FURIN: variants seen among roughly 807,000 people sequenced by gnomAD.
The protein encoded by FURIN is FES upstream region.
FURIN carries 18 observed loss-of-function variants against 89.2 expected under a neutral mutation model. The ratio of observed to expected loss-of-function variants is 0.20; its 90% CI spans 0.14 to 0.30. The LOEUF (loss-of-function observed/expected upper bound fraction) is 0.30. Ranked by LOEUF, FURIN falls within the 10% of genes least tolerant of loss-of-function variation. The pLI is 1.00. For missense variants in FURIN, 879 were observed against 1,100.5 expected (o/e 0.80, Z 2.85); for synonymous variants, 508 against 466.4 (o/e 1.09, Z -1.15).
rs138939644 is a variant in FURIN at position 90,876,939 on chromosome 15, C to T, written c.416C>T (p.Ala139Val). The T allele has an allele frequency of 3.1e-4, 493 of 1,613,812 alleles. No homozygotes were observed. Among genetic ancestry groups the T allele is most frequent in the Admixed American group, 7.8e-4 (47 of 60,002 alleles). Residue 139 changes from alanine to valine, a missense_variant, in exon 5 of 16, where the codon GCG (alanine) becomes GTG (valine). Around this residue, in one of 5 missense-constraint regions of FURIN, gnomAD observed 139 missense variants for 215.0 expected, o/e 0.65. Transcript: ENST00000268171. This position sits in a 1 kb window ranked among gnomAD's most constrained non-coding sequence, Gnocchi z 5.0. ...GACCTGAATGTGAAGGCGGCCTGGG[C>T]GCAGGGCTACACAGGGCACGGCATT... ...QRDLNVKAAW[A>V]QGYTGHGIVV...
chr15:90,881,992 G>A lies in FURIN; in HGVS notation c.*114G>A, dbSNP rs2032009043. ...GGACCCCAGCTGGGAGGCAAGAGGG[G>A]TGGAGACTGCTTCCCATCCTACCCT... On this transcript the variant is annotated 3_prime_UTR_variant, in exon 16 of 16. Coordinates refer to ENST00000268171, the MANE Select transcript of FURIN (RefSeq NM_002569.4). This position sits in a 1 kb window ranked among gnomAD's most constrained non-coding sequence, Gnocchi z 4.3. The A allele has an allele frequency of 2.6e-6, 2 of 771,328 alleles. No individual in the cohort carries two copies. Among genetic ancestry groups the A allele is most frequent in the Non-Finnish European group, 4.2e-6 (2 of 473,866 alleles). 47.8% of individuals were successfully genotyped at this position (771,328 alleles called of 1,614,324 possible). A position where few individuals can be genotyped will look rare whatever the true frequency, so the allele number is the denominator to read the frequency against.
intron 1 of FURIN, among the ~76,000 whole-genome samples, chr15:90,873,636 G>A (rs1250193342): frequency 7.3e-6 from 1 of 137,418 alleles, no homozygotes; most frequent in African/African-American, 3.0e-5. Flanking sequence ...GACTTGGGGT[G>A]GGGGGGGCGG....
rs1472308081 is a variant in FURIN at position 90,876,301 on chromosome 15, G to A, written c.224G>A (p.Arg75Gln). The change falls in exon 3 of 16, where the codon CGG (arginine) becomes CAG (glutamine). Residue 75 changes from arginine (R) to glutamine (Q), a missense_variant. Coordinates refer to ENST00000268171, the MANE Select transcript of FURIN (RefSeq NM_002569.4). This position sits in a 1 kb window ranked among gnomAD's most constrained non-coding sequence, Gnocchi z 5.0. The stretch of plus-strand genomic sequence containing the variant: ...TTCTGGCATCGAGGAGTGACGAAGC[G>A]GTCCCTGTCGCCTCACCGCCCGCGG... ...YHFWHRGVTK[R>Q]SLSPHRPRHS... 7 of 1,612,902 alleles carry A rather than the reference G, an allele frequency of 4.3e-6. No individual in the cohort carries two copies. The highest frequency in any genetic ancestry group is 2.2e-5 in the East Asian group (1 of 44,886).
Position 90,878,136 on chromosome 15 carries a change from G to A in FURIN, c.672G>A (p.Val224=), listed in dbSNP as rs760121657. The change falls in exon 8 of 16, where the codon GTG becomes GTA. Residue 224 remains valine (V), a synonymous_variant. Coordinates refer to ENST00000268171, the MANE Select transcript of FURIN (RefSeq NM_002569.4). ...GVAYNARIGG[V]RMLDGEVTDA... ...GTGCCCCCCCTTCACGGCCAGGGGT[G>A]CGCATGCTGGATGGCGAGGTGACAG... The A allele has an allele frequency of 3.1e-6, 5 of 1,613,762 alleles. No homozygotes were observed. The highest frequency in any genetic ancestry group is 1.1e-5 in the South Asian group (1 of 91,084).
chr15:90,881,404 G>A lies in FURIN; in HGVS notation c.1911G>A (p.Arg637=). Reference sequence around the variant, plus strand: ...CCGAGAATGACGTGGAGACCATCCGGGCCAGCGTCTGCGCCCCCTGCCACG... The same window carrying A: ...CCGAGAATGACGTGGAGACCATCCGAGCCAGCGTCTGCGCCCCCTGCCACG... ...YSTENDVETI[R]ASVCAPCHAS... The change falls in exon 16 of 16, where the codon CGG becomes CGA. Residue 637 remains arginine (R), a synonymous_variant. Coordinates refer to ENST00000268171, the MANE Select transcript of FURIN (RefSeq NM_002569.4). The surrounding 1 kb of genome is among the most constrained non-coding windows in gnomAD (Gnocchi z 4.3). 1 of 1,612,734 alleles carries A rather than the reference G, an allele frequency of 6.2e-7. No individual in the cohort carries two copies. Among genetic ancestry groups the A allele is most frequent in the Non-Finnish European group, 8.5e-7 (1 of 1,179,956 alleles).
chr15:90,880,790 A>G lies in FURIN; in HGVS notation c.1656A>G (p.Glu552=), dbSNP rs2031918367. ...CTGGCGAGTGGGTCCTAGAGATTGA[A>G]AACACCAGCGAAGCCAACAACTATG... ...DPSGEWVLEI[E]NTSEANNYGT... Residue 552 remains glutamate, a synonymous_variant, in exon 14 of 16, where the codon GAA becomes GAG. Coordinates refer to ENST00000268171, the MANE Select transcript of FURIN (RefSeq NM_002569.4). The G allele has an allele frequency of 6.2e-7, 1 of 1,613,856 alleles. No individual in the cohort carries two copies. Among genetic ancestry groups the G allele is most frequent in the East Asian group, 2.2e-5 (1 of 44,872 alleles).
chr15:90,881,090 G>C lies in FURIN; in HGVS notation c.1792+50G>C. The stretch of plus-strand genomic sequence containing the variant: ...TTGGGGGCCTGAGTCTGGGGGTAAG[G>C]CGGGTGCCTGTCCTGAAGCCCAGCT... On this transcript the variant is annotated intron_variant, in intron 15 of 15. Transcript: ENST00000268171. This position sits in a 1 kb window ranked among gnomAD's most constrained non-coding sequence, Gnocchi z 4.3. 7.2e-7 allele frequency: 1 copy of C among 1,392,220 alleles called. No individual in the cohort carries two copies. Among genetic ancestry groups the C allele is most frequent in the Non-Finnish European group, 1.0e-6 (1 of 978,018 alleles). The allele number at this position is 1,392,220 out of a possible 1,614,324, so 86.2% of individuals were successfully genotyped here. A position where few individuals can be genotyped will look rare whatever the true frequency, so the allele number is the denominator to read the frequency against.
At chr15:90,874,785 T>C (rs1416783020) in intron 1 of FURIN, among the ~76,000 whole-genome samples, 2 of 152,354 alleles carry the variant, frequency 1.3e-5, no homozygotes, top group African/African-American at 2.4e-5. Context: ...TTACTTGTAA[T>C]TCTCACCATC....
chr15:90,869,433 C>G (rs2031184443), intron 1 of FURIN, among the ~76,000 whole-genome samples: 1 of 152,220 alleles, frequency 6.6e-6, no homozygotes, highest in Non-Finnish European at 1.5e-5. Flanking sequence ...AGAAGTCTCA[C>G]AGAGAGTGGC....
At position 90,881,866 on chromosome 15, in the gene FURIN, G is replaced by T. The variant is rs367710450; in HGVS notation, c.2373G>T (p.Gln791His). ...RGERTAFIKD[Q>H]SAL The stretch of plus-strand genomic sequence containing the variant: ...AGAGGACCGCCTTTATCAAAGACCA[G>T]AGCGCCCTCTGATGAGCCCACTGCC... Residue 791 changes from glutamine to histidine, a missense_variant, in exon 16 of 16, where the codon CAG becomes CAT. Physicochemically the swap from Gln to His is conservative, Grantham distance 24. This residue lies in a region of FURIN where 457 missense variants were observed against 490.7 expected (regional missense o/e 0.93). Coordinates refer to ENST00000268171, the MANE Select transcript of FURIN (RefSeq NM_002569.4). This position sits in a 1 kb window ranked among gnomAD's most constrained non-coding sequence, Gnocchi z 4.3. 4.8e-5 allele frequency: 78 copies of T among 1,611,528 alleles called. No homozygotes were observed. The highest frequency in any genetic ancestry group is 6.4e-5 in the Non-Finnish European group (75 of 1,179,254).
chr15:90,869,214 T>G (rs1185926116), intron 1 of FURIN, among the ~76,000 whole-genome samples: 1 of 152,120 alleles, frequency 6.6e-6, no homozygotes, highest in Non-Finnish European at 1.5e-5. Flanking sequence ...TCTCCAGACT[T>G]CTGTCACATG....
intron 12 of FURIN, 28 bp from the exon 13 acceptor site, chr15:90,880,066 C>T: frequency 3.1e-6 from 5 of 1,603,252 alleles, no homozygotes; most frequent in Non-Finnish European, 4.3e-6. Context: ...CTGGGCCAGG[C>T]TGACCATCAT....
rs748899971 is a variant in FURIN at position 90,876,573 on chromosome 15, C to T, written c.372+16C>T. ...GTGGTACCTGGTACGTGGCCTTCTT[C>T]GCTGCTGGGACCTCCTCCCCAGATG... On this transcript the variant is annotated intron_variant, in intron 4 of 15. Transcript: ENST00000268171. The surrounding 1 kb of genome is among the most constrained non-coding windows in gnomAD (Gnocchi z 5.0). 9.7e-6 allele frequency: 15 copies of T among 1,541,286 alleles called. No homozygotes were observed. The highest frequency in any genetic ancestry group is 1.7e-4 in the Middle Eastern group (1 of 5,942).
Position 90,876,433 on chromosome 15 carries a change from C to CGGG in FURIN, c.277-29_277-28insGGG. The CGGG allele has an allele frequency of 6.3e-7, 1 of 1,578,042 alleles. No homozygotes were observed. The highest frequency in any genetic ancestry group is 2.2e-5 in the East Asian group (1 of 44,644). On this transcript the variant is annotated intron_variant, in intron 3 of 15. Coordinates refer to ENST00000268171, the MANE Select transcript of FURIN (RefSeq NM_002569.4). This position sits in a 1 kb window ranked among gnomAD's most constrained non-coding sequence, Gnocchi z 5.0. The stretch of plus-strand genomic sequence containing the variant: ...AGCCCCTCTCGCCTCCTGCTCCACC[C>CGGG]ACACCATCTCTCCCTCACTCCCCCA...
At chr15:90,879,204 T>C (rs1421160428) in intron 9 of FURIN, among the ~76,000 whole-genome samples, 8 of 152,224 alleles carry the variant, frequency 5.3e-5, no homozygotes, top group South Asian at 4.1e-4. Flanking sequence ...TTTGTTCTTA[T>C]TCATCTCCAC....
chr15:90,879,991 G>A lies in FURIN; in HGVS notation c.1376+7G>A, dbSNP rs2031860017. 1.2e-6 allele frequency: 2 copies of A among 1,610,128 alleles called. No individual in the cohort carries two copies. Among genetic ancestry groups the A allele is most frequent in the African/African-American group, 1.3e-5 (1 of 74,890 alleles). On this transcript the variant is annotated splice_region_variant and intron_variant, in intron 12 of 15. Coordinates refer to ENST00000268171, the MANE Select transcript of FURIN (RefSeq NM_002569.4). ...ACATCCTCACCGAGCCCAAGTGAGGGCTGGACCCAGGCTGGGAGGGGGCCA... is the reference window on the plus strand; with the variant it reads ...ACATCCTCACCGAGCCCAAGTGAGGACTGGACCCAGGCTGGGAGGGGGCCA...
Position 90,880,182 on chromosome 15 carries a change from G to T in FURIN, c.1465G>T (p.Ala489Ser). 6.2e-7 allele frequency: 1 copy of T among 1,612,656 alleles called. No individual in the cohort carries two copies. The highest frequency in any genetic ancestry group is 8.5e-7 in the Non-Finnish European group (1 of 1,179,662). Residue 489 changes from alanine (A) to serine (S), a missense_variant, in exon 13 of 16, where the codon GCG becomes TCG. By Grantham distance (99) the Ala-to-Ser change is moderately conservative. Around this residue, in one of 5 missense-constraint regions of FURIN, gnomAD observed 457 missense variants for 490.7 expected, o/e 0.93. Coordinates refer to ENST00000268171, the MANE Select transcript of FURIN (RefSeq NM_002569.4). ...CATCACTCGGCTGGAGCACGCTCAGGCGCGGCTCACCCTGTCCTATAATCG... is the reference window on the plus strand; with the variant it reads ...CATCACTCGGCTGGAGCACGCTCAGTCGCGGCTCACCCTGTCCTATAATCG... ...NHITRLEHAQARLTLSYNRRG... is the reference protein window; with the variant it reads ...NHITRLEHAQSRLTLSYNRRG...
chr15:90,876,931 G>A lies in FURIN; in HGVS notation c.408G>A (p.Ala136=), dbSNP rs143653203. The A allele has an allele frequency of 3.0e-5, 48 of 1,614,138 alleles. No homozygotes were observed. In the African/African-American group the frequency reaches 3.9e-4, roughly 13 times the overall value. The part of the protein sequence containing the change: ...GVTQRDLNVK[A]AWAQGYTGHG... ...CTCAGCGGGACCTGAATGTGAAGGC[G>A]GCCTGGGCGCAGGGCTACACAGGGC... The change falls in exon 5 of 16, where the codon GCG becomes GCA. Residue 136 remains alanine (A), a synonymous_variant. Transcript: ENST00000268171. This position sits in a 1 kb window ranked among gnomAD's most constrained non-coding sequence, Gnocchi z 5.0.
At chr15:90,873,381 C>G (rs60016661) in intron 1 of FURIN, among the ~76,000 whole-genome samples, 3,498 of 152,224 alleles carry the variant, frequency 0.023, 151 homozygotes, top group African/African-American at 0.08. Flanking sequence ...CTTTTAACGC[C>G]AAACAGCTGC....
Sources: gnomAD v4.1 joint callset for allele counts (sites outside exome capture counted in the v4.1 genomes callset) on GRCh38, gnomAD v4.1.1 for gene constraint, gnomAD v4.1.1 regional missense constraint, Gnocchi (gnomAD v3.1) non-coding constraint, MANE v1.5 for transcripts, NCBI Gene and HGNC (gene_info 2026-07-23, HGNC 2026-07-21) for gene names.